The following ATE1 variants were observed in gnomAD, a reference collection of about 807,000 sequenced individuals.
The protein encoded by ATE1 is arginyltransferase 1.
A neutral mutation model predicts 70.5 loss-of-function variants in ATE1; 36 were observed. The ratio of observed to expected loss-of-function variants is 0.51; its 90% confidence interval spans 0.39 to 0.67. The LOEUF (loss-of-function observed/expected upper bound fraction) is 0.67. Among genes scored for constraint, ATE1 ranks in the 30% least tolerant of loss-of-function variants. ATE1 has a pLI of 0.00. For missense variants in ATE1, 593 were observed against 629.5 expected (o/e 0.94, Z 0.62); for synonymous variants, 232 against 219.3 (o/e 1.06, Z -0.51).
chr10:121,743,763 G>C lies in ATE1; in HGVS notation c.1474C>G (p.Pro492Ala). ...YGVYKKQQKD[P>A]SEEAAVLQYA... ...TGCAGAACAGCAGCCTCCTCACTTG[G>C]GTCTTTCTGCTGTTTCTTATAAACA... is the stretch of plus-strand genomic sequence containing the variant. The change falls in exon 12 of 12, where the codon CCA becomes GCA. Residue 492 changes from proline to alanine, a missense_variant. By Grantham distance (27) the Pro-to-Ala change is conservative. Coordinates refer to ENST00000224652, the MANE Select transcript of ATE1 (RefSeq NM_001001976.3). 2.5e-6 allele frequency: 4 copies of C among 1,613,868 alleles called. No homozygotes were observed. The highest frequency in any genetic ancestry group is 2.2e-5 in the South Asian group (2 of 91,070).
At chr10:121,806,321 A>C (rs909415139) in intron 10 of ATE1, among the ~76,000 whole-genome samples, 1 of 152,004 alleles carries the variant, frequency 6.6e-6, no homozygotes, top group Non-Finnish European at 1.5e-5. Context: ...GATGTGATGG[A>C]GCATGCCTGC....
At chr10:121,806,616 A>G (rs76167109) in intron 10 of ATE1, among the ~76,000 whole-genome samples, 2,277 of 152,344 alleles carry the variant, frequency 0.015, 55 homozygotes, top group African/African-American at 0.052. Flanking sequence ...TCTCTTGAGA[A>G]TGACAATGAT....
At chr10:121,904,640 C>CAA (rs778557337) in intron 5 of ATE1, among the ~76,000 whole-genome samples, 6,838 of 45,202 alleles carry the variant, frequency 0.15, 637 homozygotes, top group Non-Finnish European at 0.22. Context: ...GACTCCGTCT[C>CAA]AAAAAAAAAA....
At chr10:121,904,526 A>C (rs1951112737) in intron 5 of ATE1, among the ~76,000 whole-genome samples, 1 of 151,168 alleles carries the variant, frequency 6.6e-6, no homozygotes, top group African/African-American at 2.4e-5. Context: ...CTGTAGTCCC[A>C]GCTACTTGGG....
chr10:121,799,414 G>T (rs1946787371), intron 10 of ATE1, among the ~76,000 whole-genome samples: 1 of 151,500 alleles, frequency 6.6e-6, no homozygotes, highest in Non-Finnish European at 1.5e-5. Flanking sequence ...TGTCTTACAG[G>T]CCAAGTAGCA....
Position 121,903,098 on chromosome 10 carries a change from A to AGACTGGTCTCAAACTCCCTTGGC in ATE1, c.584-479_584-478insGCCAAGGGAGTTTGAGACCAGTC, listed in dbSNP as rs879375185. Among the ~76,000 whole-genome samples, 547 of 116,474 alleles carry AGACTGGTCTCAAACTCCCTTGGC rather than the reference A, an allele frequency of 4.7e-3. 2 individuals are homozygous for AGACTGGTCTCAAACTCCCTTGGC. The highest frequency in any genetic ancestry group is 8.8e-3 in the Non-Finnish European group (440 of 49,766). The allele number at this position is 116,474 out of a possible 152,430, so 76.4% of individuals were successfully genotyped here. On this transcript the variant is annotated intron_variant, in intron 5 of 11. Coordinates refer to ENST00000224652, the MANE Select transcript of ATE1 (RefSeq NM_001001976.3). Reference sequence around the variant, plus strand: ...CCAGACTGGTCTCAAACTCCCTTGGACAGACTGGTCTCAAACTCCTGACCT... The same window carrying AGACTGGTCTCAAACTCCCTTGGC: ...CCAGACTGGTCTCAAACTCCCTTGGAGACTGGTCTCAAACTCCCTTGGCCAGACTGGTCTCAAACTCCTGACCT...
chr10:121,863,542 C>T lies in ATE1; in HGVS notation c.975+6464G>A, dbSNP rs530497988. On this transcript the variant is annotated intron_variant, in intron 8 of 11. Coordinates refer to ENST00000224652, the MANE Select transcript of ATE1 (RefSeq NM_001001976.3). ...CTGGGATTACAGGCGTGAGCCACAG[C>T]GCCCAGCCGCCCTGAAGTCTACTTT... Among the ~76,000 whole-genome samples, 503 of 152,126 alleles carry T rather than the reference C, an allele frequency of 3.3e-3. 2 individuals are homozygous for T. The highest frequency in any genetic ancestry group is 5.1e-3 in the Non-Finnish European group (344 of 67,998).
At chr10:121,790,316 C>G (rs1235872792) in intron 10 of ATE1, 27 bp from the exon 11 acceptor site, 5 of 1,610,954 alleles carry the variant, frequency 3.1e-6, no homozygotes, top group Non-Finnish European at 4.2e-6. Context: ...GAAAAAGGCA[C>G]AGGCATTATT....
chr10:121,762,213 C>T (rs10886975), intron 11 of ATE1, among the ~76,000 whole-genome samples: 125,879 of 152,130 alleles, frequency 0.83, 52,437 homozygotes, highest in Non-Finnish European at 0.89. Context: ...TGCCCCAGGG[C>T]AATCCTTTTT....
chr10:121,782,196 A>G (rs1946022117), intron 11 of ATE1, among the ~76,000 whole-genome samples: 1 of 152,246 alleles, frequency 6.6e-6, no homozygotes, highest in Non-Finnish European at 1.5e-5. Context: ...ACTAGTAGAC[A>G]TTGTATTGAA....
intron 8 of ATE1, among the ~76,000 whole-genome samples, chr10:121,859,986 A>G (rs960355353): frequency 1.3e-5 from 2 of 152,224 alleles, no homozygotes; most frequent in African/African-American, 4.8e-5. Context: ...CTTTTTAAGG[A>G]AAATGTGAGT....
intron 5 of ATE1, among the ~76,000 whole-genome samples, chr10:121,904,384 G>A (rs1038104313): frequency 5.3e-5 from 8 of 151,420 alleles, no homozygotes; most frequent in Non-Finnish European, 1.0e-4. Context: ...GCTCATGCCT[G>A]TAATCCCAGC....
At chr10:121,898,700 A>G (rs891018329) in intron 7 of ATE1, 7 of 959,548 alleles carry the variant, frequency 7.3e-6, no homozygotes, top group Admixed American at 2.8e-5. Flanking sequence ...AAATGCTCAC[A>G]TGTATGAGTC....
intron 10 of ATE1, among the ~76,000 whole-genome samples, chr10:121,823,405 G>A (rs1947880485): frequency 6.6e-6 from 1 of 152,208 alleles, no homozygotes; most frequent in African/African-American, 2.4e-5. Flanking sequence ...GTGAAGTGGG[G>A]AAAACACAGA....
At chr10:121,881,669 TAAAAAAA>T (rs11309013) in intron 7 of ATE1, among the ~76,000 whole-genome samples, 5 of 125,604 alleles carry the variant, frequency 4.0e-5, no homozygotes, top group Admixed American at 2.5e-4. Context: ...TCCTGTCTCT[TAAAAAAA>T]AAAAAAAAAA....
intron 10 of ATE1, among the ~76,000 whole-genome samples, chr10:121,803,117 C>A (rs1946957502): frequency 1.3e-5 from 2 of 152,018 alleles, no homozygotes; most frequent in Admixed American, 1.3e-4. Context: ...TTTACATCAC[C>A]CCTCCCCTTC....
chr10:121,873,251 T>TA (rs1173638307), intron 7 of ATE1, among the ~76,000 whole-genome samples: 2 of 152,136 alleles, frequency 1.3e-5, no homozygotes, highest in African/African-American at 4.8e-5. Context: ...GAATTTTTTT[T>TA]AAAAAACTGA....
intron 11 of ATE1, among the ~76,000 whole-genome samples, chr10:121,789,468 T>G (rs1946347100): frequency 1.3e-5 from 2 of 152,026 alleles, no homozygotes; most frequent in East Asian, 3.9e-4. Context: ...CCAGCCAGTT[T>G]TTGTATTTTT....
chr10:121,763,911 G>A (rs11200136), intron 11 of ATE1, among the ~76,000 whole-genome samples: 125,762 of 152,112 alleles, frequency 0.83, 52,343 homozygotes, highest in Non-Finnish European at 0.88. Context: ...CTACTTGGGA[G>A]GCTGAGGCAC....
Sources: gnomAD v4.1 joint callset for allele counts (sites outside exome capture counted in the v4.1 genomes callset) on GRCh38, gnomAD v4.1.1 for gene constraint, MANE v1.5 for transcripts, NCBI Gene and HGNC (gene_info 2026-07-23, HGNC 2026-07-21) for gene names.